Variants in KHDRBS2 observed in about 807,000 individuals in gnomAD.
The protein encoded by KHDRBS2 is KH domain-containing, RNA-binding, signal transduction-associated protein 2.
A neutral mutation model predicts 44.3 loss-of-function variants in KHDRBS2; 26 were observed. The ratio of observed to expected loss-of-function variants is 0.59; its 90% CI spans 0.43 to 0.81. The LOEUF (loss-of-function observed/expected upper bound fraction) is 0.81, where lower values mean the gene tolerates loss of function less well. Ranked by LOEUF, KHDRBS2 falls within the 40% of genes least tolerant of loss-of-function variation. KHDRBS2 has a pLI of 0.00. For synonymous variants in KHDRBS2, 194 were observed against 151.1 expected, an observed-to-expected ratio of 1.28 and a Z score of -2.08; for missense variants, 476 against 433.1, an observed-to-expected ratio of 1.10 and a Z score of -0.88.
chr6:62,186,432 T>C (rs759789696), intron 1 of KHDRBS2, among the ~76,000 whole-genome samples: 2 of 152,034 alleles, frequency 1.3e-5, no homozygotes, highest in Admixed American at 6.6e-5. Flanking sequence ...AAACCAAACA[T>C]CGTGACAGTC....
chr6:61,582,340 T>C, the KHDRBS2 span, among the ~76,000 whole-genome samples: 5 of 151,454 alleles, frequency 3.3e-5, no homozygotes, highest in Non-Finnish European at 5.9e-5. Context: ...AGAAGAAATT[T>C]AAAACAATAA....
chr6:61,956,668 C>T (rs1242873947), intron 4 of KHDRBS2, among the ~76,000 whole-genome samples: 1 of 152,114 alleles, frequency 6.6e-6, no homozygotes, highest in East Asian at 1.9e-4. Flanking sequence ...GGTAAATTCT[C>T]CATTCTCTGC....
intron 2 of KHDRBS2, among the ~76,000 whole-genome samples, chr6:62,141,651 T>C (rs916309120): frequency 2.6e-5 from 4 of 152,144 alleles, no homozygotes; most frequent in African/African-American, 7.2e-5. Context: ...TATATTTTTA[T>C]AGTCGGTCTT....
At chr6:62,033,326 C>T (rs1019049651) in intron 3 of KHDRBS2, among the ~76,000 whole-genome samples, 2 of 151,772 alleles carry the variant, frequency 1.3e-5, no homozygotes, top group African/African-American at 4.8e-5. Flanking sequence ...ATTTTCCAAA[C>T]CTAGAGAAAG....
chr6:61,757,294 T>C (rs572120602), intron 6 of KHDRBS2, among the ~76,000 whole-genome samples: 1 of 152,294 alleles, frequency 6.6e-6, no homozygotes, highest in East Asian at 1.9e-4. Flanking sequence ...TTTATCAGTT[T>C]CTCACTGCAA....
chr6:61,884,719 C>T (rs531093919), intron 6 of KHDRBS2, among the ~76,000 whole-genome samples: 78 of 152,106 alleles, frequency 5.1e-4, no homozygotes, highest in African/African-American at 1.7e-3. Context: ...GTTAAAAGGA[C>T]CGCATTTCCA....
chr6:61,672,368 G>A, the KHDRBS2 span, among the ~76,000 whole-genome samples: 2 of 151,938 alleles, frequency 1.3e-5, no homozygotes, highest in South Asian at 4.1e-4. Context: ...CCCAGTAATG[G>A]GATGGCTGGG....
At chr6:61,549,843 T>C in the KHDRBS2 span, among the ~76,000 whole-genome samples, 1 of 152,200 alleles carries the variant, frequency 6.6e-6, no homozygotes, top group Non-Finnish European at 1.5e-5. Context: ...ACTTTTTGTA[T>C]TGTTACATTA....
chr6:61,843,348 T>TTATTAG (rs1491459901), intron 6 of KHDRBS2, among the ~76,000 whole-genome samples: 1 of 123,590 alleles, frequency 8.1e-6, no homozygotes, highest in Non-Finnish European at 1.7e-5. Context: ...TATTTTATTA[T>TTATTAG]TATTATTATT....
chr6:62,050,605 T>C (rs751409698), intron 2 of KHDRBS2, among the ~76,000 whole-genome samples: 3 of 150,746 alleles, frequency 2.0e-5, no homozygotes, highest in Admixed American at 6.6e-5. Context: ...CACACACACA[T>C]ATATACATAC....
intron 4 of KHDRBS2, among the ~76,000 whole-genome samples, chr6:61,912,243 A>G (rs942607490): frequency 1.3e-5 from 2 of 152,224 alleles, no homozygotes; most frequent in African/African-American, 2.4e-5. Context: ...AAAAAAATAC[A>G]TCAAAAAGAT....
chr6:62,051,288 A>G (rs1788971416), intron 2 of KHDRBS2, among the ~76,000 whole-genome samples: 1 of 152,126 alleles, frequency 6.6e-6, no homozygotes, highest in Non-Finnish European at 1.5e-5. Context: ...ACAAAATGAA[A>G]GAATAAAAAC....
At chr6:62,194,388 G>A (rs748922935) in intron 1 of KHDRBS2, among the ~76,000 whole-genome samples, 36 of 150,348 alleles carry the variant, frequency 2.4e-4, no homozygotes, top group Non-Finnish European at 4.3e-4. Context: ...ATGAATGTGT[G>A]AGGGTCTATT....
chr6:61,869,847 G>T (rs528379869), intron 6 of KHDRBS2, among the ~76,000 whole-genome samples: 2 of 152,182 alleles, frequency 1.3e-5, no homozygotes, highest in East Asian at 1.9e-4. Flanking sequence ...CTTTTCCCAC[G>T]GTCTTCACAA....
At chr6:61,770,787 C>T (rs1375937924) in intron 6 of KHDRBS2, among the ~76,000 whole-genome samples, 2 of 152,124 alleles carry the variant, frequency 1.3e-5, no homozygotes, top group African/African-American at 4.8e-5. Context: ...GGAGAACTTC[C>T]CCAATCTAGC....
chr6:62,073,458 G>T (rs147562959), intron 2 of KHDRBS2, among the ~76,000 whole-genome samples: 39 of 148,708 alleles, frequency 2.6e-4, no homozygotes, highest in African/African-American at 9.1e-4. Context: ...TTTCCTTTCA[G>T]TCTAATTGTT....
At chr6:61,549,191 A>C in the KHDRBS2 span, among the ~76,000 whole-genome samples, 1 of 152,196 alleles carries the variant, frequency 6.6e-6, no homozygotes, top group Admixed American at 6.6e-5. Context: ...GAAAAACCAT[A>C]AAGTATGAGA....
intron 2 of KHDRBS2, among the ~76,000 whole-genome samples, chr6:62,135,929 AAGGGCAC>A (rs1811420993): frequency 6.6e-6 from 1 of 152,142 alleles, no homozygotes; most frequent in Non-Finnish European, 1.5e-5. Flanking sequence ...ATATAGATCA[AAGGGCAC>A]GAAGATGTAG....
At chr6:61,589,835 C>T in the KHDRBS2 span, among the ~76,000 whole-genome samples, 1 of 152,140 alleles carries the variant, frequency 6.6e-6, no homozygotes, top group Non-Finnish European at 1.5e-5. Context: ...TTACAGAGGA[C>T]TATAAATAAT....
Sources: allele counts gnomAD v4.1 joint callset (sites outside exome capture counted in the v4.1 genomes callset), GRCh38; gene constraint gnomAD v4.1.1; transcripts MANE v1.5; gene names NCBI Gene and HGNC (gene_info 2026-07-23, HGNC 2026-07-21).